Variants in GTPBP3 observed in about 807,000 individuals in gnomAD.
GTPBP3 encodes the protein 5-taurinomethyluridine-[tRNA] synthase subunit GTPB3, mitochondrial.
GTPBP3 carries 35 observed loss-of-function variants against 42.0 expected under a neutral mutation model. The observed-to-expected ratio is 0.83, with a 90% CI of 0.64 to 1.10. The LOEUF (loss-of-function observed/expected upper bound fraction) is 1.10. Among genes scored for constraint, GTPBP3 ranks in the 50% least tolerant of loss-of-function variants. The probability of loss-of-function intolerance (pLI) is 0.00; values close to 1 mark genes in which losing one functional copy is unlikely to be tolerated. For missense variants in GTPBP3, 691 were observed against 685.2 expected, an observed-to-expected ratio of 1.01 and a Z score of -0.09; for synonymous variants, 332 against 314.9, an observed-to-expected ratio of 1.05 and a Z score of -0.58.
intron 7 of GTPBP3, among the ~76,000 whole-genome samples, chr19:17,340,390 T>A (rs2074417053): frequency 6.6e-6 from 1 of 151,888 alleles, no homozygotes; most frequent in Non-Finnish European, 1.5e-5. Context: ...ATGTTTCTCA[T>A]CCCTAAGCCC....
rs767580224 is a variant in GTPBP3 at position 17,339,474 on chromosome 19, C to T, written c.849C>T (p.Thr283=). 1.9e-6 allele frequency: 3 copies of T among 1,613,848 alleles called. No individual in the cohort carries two copies. Among genetic ancestry groups the T allele is most frequent in the African/African-American group, 1.3e-5 (1 of 74,922 alleles). ...PVSIVSPEPG[T]TRDVLETPVD... ...CCATCGTGTCCCCGGAGCCAGGGAC[C>T]ACCCGTGACGTGCTGGAGACCCCAG... Residue 283 remains threonine (T), a synonymous_variant, in exon 7 of 9, where the codon ACC becomes ACT. Coordinates refer to ENST00000324894, the MANE Select transcript of GTPBP3 (RefSeq NM_032620.4).
intron 7 of GTPBP3, 136 bp downstream of exon 7, chr19:17,339,735 GTTCT>G: frequency 1.7e-5 from 13 of 763,604 alleles, no homozygotes; most frequent in South Asian, 4.3e-5. Context: ...CAGGGATTTG[GTTCT>G]TTTTTTTTTT....
chr19:17,340,567 C>G (rs1316347812), intron 7 of GTPBP3, among the ~76,000 whole-genome samples: 6 of 151,750 alleles, frequency 4.0e-5, no homozygotes, highest in African/African-American at 1.5e-4. Context: ...TCTGGTCCTT[C>G]TTGCTCTGCC....
rs781316086 is a variant in GTPBP3, at chr19:17,341,039, C to G, written c.975-5C>G. On this transcript the variant is annotated splice_polypyrimidine_tract_variant and splice_region_variant and intron_variant, in intron 7 of 8. Transcript: ENST00000324894. ...ATCCCCGCTCAGTTGACCTTGCTCC[C>G]GCAGGCTAGAGCAGGCTGACCTCAT... The G allele has an allele frequency of 6.2e-7, 1 of 1,610,478 alleles. No homozygotes were observed. Among genetic ancestry groups the G allele is most frequent in the Admixed American group, 1.7e-5 (1 of 59,852 alleles).
chr19:17,335,234 T>C, upstream of GTPBP3: 2 of 1,455,558 alleles, frequency 1.4e-6, no homozygotes, highest in Non-Finnish European at 1.8e-6. Flanking sequence ...CAGCAAGCCC[T>C]GCTTAGGAAC....
At position 17,339,568 on chromosome 19, in the gene GTPBP3, G is replaced by T. The variant is rs1204162681; in HGVS notation, c.943G>T (p.Glu315Ter). ...GTTGCGGGAGGGCGTGGGGCCCGTGGAGCAGGAGGGCGTGCGGCGCGCCCG... is the reference window on the plus strand; with the variant it reads ...GTTGCGGGAGGGCGTGGGGCCCGTGTAGCAGGAGGGCGTGCGGCGCGCCCG... Reference protein sequence around the residue: ...AGLREGVGPVEQEGVRRARER... With the variant: ...AGLREGVGPV Residue 315 changes from glutamate (E) to a stop codon, truncating the protein, a stop_gained, in exon 7 of 9, where the codon GAG becomes TAG. Transcript: ENST00000324894. LOFTEE classifies it high-confidence loss of function. The T allele has an allele frequency of 6.2e-7, 1 of 1,611,742 alleles. No individual in the cohort carries two copies. The highest frequency in any genetic ancestry group is 1.7e-5 in the Admixed American group (1 of 59,944).
chr19:17,339,626 G>A (rs779329400), intron 7 of GTPBP3, 27 bp downstream of exon 7: 3 of 1,563,118 alleles, frequency 1.9e-6, no homozygotes, highest in Admixed American at 1.9e-5. Context: ...GTGATGGGAG[G>A]GGAACGCGGG....
In GTPBP3 at chr19:17,341,573, A is replaced by G. The variant is rs777045807; in HGVS notation, c.1349A>G (p.Gln450Arg). 64 of 1,613,964 alleles carry G rather than the reference A, an allele frequency of 4.0e-5. No individual in the cohort carries two copies. The highest frequency in any genetic ancestry group is 1.6e-4 in the Middle Eastern group (1 of 6,062). Residue 450 changes from glutamine to arginine, a missense_variant, in exon 9 of 9, where the codon CAG becomes CGG. By Grantham distance (43) the Gln-to-Arg change is conservative. Transcript: ENST00000324894. Reference sequence around the variant, plus strand: ...CTGGATGCCCTCGGCCACTACAAGCAGTCAAAAGACCTGGCCCTGGCGGCA... The same window carrying G: ...CTGGATGCCCTCGGCCACTACAAGCGGTCAAAAGACCTGGCCCTGGCGGCA... ...GCLDALGHYK[Q>R]SKDLALAAEA... is the part of the protein sequence containing the mutation.
upstream of GTPBP3, chr19:17,336,556 G>C (rs757092312): frequency 1.3e-5 from 2 of 152,188 alleles, no homozygotes; most frequent in Non-Finnish European, 2.9e-5. Context: ...AGCAGGGCGA[G>C]GTAAGGGGGT....
chr19:17,338,233 C>T lies in GTPBP3; in HGVS notation c.279C>T (p.Arg93=). The T allele has an allele frequency of 6.3e-7, 1 of 1,585,084 alleles. No homozygotes were observed. ...SDPRSGEPLD[R]ALVLWFPGPQ... is the part of the protein sequence containing the mutation. ...CCCGCTCCGGGGAGCCTCTGGACCGCGCACTGGTGCTCTGGTTCCCAGGTG... is the reference window on the plus strand; with the variant it reads ...CCCGCTCCGGGGAGCCTCTGGACCGTGCACTGGTGCTCTGGTTCCCAGGTG... Residue 93 remains arginine (R), a synonymous_variant, in exon 2 of 9, where the codon CGC becomes CGT. Coordinates refer to ENST00000324894, the MANE Select transcript of GTPBP3 (RefSeq NM_032620.4).
intron 1 of GTPBP3, 109 bp from the exon 2 acceptor site, chr19:17,337,899 C>A: frequency 7.0e-7 from 1 of 1,422,266 alleles, no homozygotes; most frequent in Non-Finnish European, 9.5e-7. Context: ...CATCCCCCAG[C>A]CGCAGAACCC....
At chr19:17,337,850 A>C in intron 1 of GTPBP3, 158 bp from the exon 2 acceptor site, 1 of 1,213,050 alleles carries the variant, frequency 8.2e-7, no homozygotes, top group Non-Finnish European at 1.1e-6. Context: ...ACAGTCCCTA[A>C]TCCGGTCACC....
Position 17,338,364 on chromosome 19 carries a change from G to A in GTPBP3, c.302-1G>A, listed in dbSNP as rs1196307858. 6.2e-7 allele frequency: 1 copy of A among 1,614,062 alleles called. No individual in the cohort carries two copies. The highest frequency in any genetic ancestry group is 1.7e-5 in the Admixed American group (1 of 60,022). On this transcript the variant is annotated splice_acceptor_variant, in intron 2 of 8. Transcript: ENST00000324894. LOFTEE classifies it high-confidence loss of function. ...CTCCTGTCACCTGTCTGTCACATTAGGTCCCCAGAGTTTCACCGGTGAGGA... is the reference window on the plus strand; with the variant it reads ...CTCCTGTCACCTGTCTGTCACATTAAGTCCCCAGAGTTTCACCGGTGAGGA...
intron 7 of GTPBP3, among the ~76,000 whole-genome samples, chr19:17,340,575 G>A (rs970740589): frequency 1.3e-5 from 2 of 149,652 alleles, no homozygotes; most frequent in African/African-American, 5.0e-5. Context: ...TTCTTGCTCT[G>A]CCCCGCCACT....
rs745540121 is a variant in GTPBP3, at chr19:17,341,727, A to C, written c.*24A>C. 2.6e-6 allele frequency: 4 copies of C among 1,540,288 alleles called. No homozygotes were observed. The South Asian group carries it at 3.7e-5, about 14-fold the overall frequency. On this transcript the variant is annotated 3_prime_UTR_variant, in exon 9 of 9. Transcript: ENST00000324894. ...GACGGGATCCAGGGAAGTCGCACCCAAGCTGCGTGGAGACCCAGGAGCCTC... is the reference window on the plus strand; with the variant it reads ...GACGGGATCCAGGGAAGTCGCACCCCAGCTGCGTGGAGACCCAGGAGCCTC...
Position 17,341,513 on chromosome 19 carries a change from C to A in GTPBP3, c.1289C>A (p.Thr430Asn). Residue 430 changes from threonine to asparagine, a missense_variant, in exon 9 of 9, where the codon ACC becomes AAC. Coordinates refer to ENST00000324894, the MANE Select transcript of GTPBP3 (RefSeq NM_032620.4). ...GDPSTDPPLL[T>N]RARHQHHLQG... ...CCGTCCACAGATCCCCCGCTGCTGA[C>A]CCGAGCAAGGCACCAGCACCACCTC... The A allele has an allele frequency of 6.2e-7, 1 of 1,613,358 alleles. No homozygotes were observed. Among genetic ancestry groups the A allele is most frequent in the Non-Finnish European group, 8.5e-7 (1 of 1,179,692 alleles).
upstream of GTPBP3, among the ~76,000 whole-genome samples, chr19:17,335,413 A>G (rs1468576021): frequency 1.3e-5 from 2 of 152,260 alleles, no homozygotes; most frequent in East Asian, 3.9e-4. Flanking sequence ...AAAAGAATAA[A>G]TGTTAGCTGG....
chr19:17,337,878 T>G, intron 1 of GTPBP3, 130 bp from the exon 2 acceptor site: 1 of 1,317,778 alleles, frequency 7.6e-7, no homozygotes, highest in Non-Finnish European at 1.0e-6. Flanking sequence ...CTTCAGAACA[T>G]CCAATTTGTG....
Position 17,338,021 on chromosome 19 carries a change from C to G in GTPBP3, c.67C>G (p.Arg23Gly), listed in dbSNP as rs763147614. ...CTCCGGTTCCAGATTGTGCACGCGC[C>G]GGAGCAGCGGCGCACCAGCCCCCGG... is the stretch of plus-strand genomic sequence containing the variant. ...ARGPRRLCTR[R>G]SSGAPAPGSG... The change falls in exon 2 of 9, where the codon CGG (arginine) becomes GGG (glycine). Residue 23 changes from arginine to glycine, a missense_variant. By Grantham distance (125) the Arg-to-Gly change is moderately radical. Transcript: ENST00000324894. The G allele has an allele frequency of 1.9e-6, 3 of 1,597,782 alleles. No homozygotes were observed. Among genetic ancestry groups the G allele is most frequent in the Non-Finnish European group, 2.5e-6 (3 of 1,179,472 alleles).
Sources: gnomAD v4.1 joint callset for allele counts (sites outside exome capture counted in the v4.1 genomes callset) on GRCh38, gnomAD v4.1.1 for gene constraint, MANE v1.5 for transcripts, NCBI Gene and HGNC (gene_info 2026-07-23, HGNC 2026-07-21) for gene names.